Variants in RAB3C observed in about 807,000 individuals in gnomAD.
RAB3C encodes the protein ras-related protein Rab-3C.
RAB3C carries 17 observed loss-of-function variants against 26.4 expected under a neutral mutation model. That is an observed-to-expected ratio of 0.64 (90% confidence interval 0.44 to 0.97). RAB3C has a LOEUF of 0.97. Ranked by LOEUF, RAB3C falls within the 50% of genes least tolerant of loss-of-function variation. The probability of loss-of-function intolerance (pLI) is 0.00; values close to 1 mark genes in which losing one functional copy is unlikely to be tolerated. For synonymous variants in RAB3C, 91 were observed against 95.9 expected, an observed-to-expected ratio of 0.95 and a Z score of 0.30; for missense variants, 242 against 281.9, an observed-to-expected ratio of 0.86 and a Z score of 1.01.
intron 2 of RAB3C, among the ~76,000 whole-genome samples, chr5:58,634,960 A>G (rs1390927915): frequency 6.6e-6 from 1 of 152,200 alleles, no homozygotes; most frequent in Non-Finnish European, 1.5e-5. Flanking sequence ...AGTGAGGTAA[A>G]GACAGAATGT....
At chr5:58,827,560 C>T (rs1004139646) in intron 4 of RAB3C, among the ~76,000 whole-genome samples, 3 of 151,272 alleles carry the variant, frequency 2.0e-5, no homozygotes, top group Non-Finnish European at 3.0e-5. Context: ...ACTGCTCCAT[C>T]GACTGGCACA....
chr5:58,785,275 T>TG (rs1742353667), intron 3 of RAB3C, among the ~76,000 whole-genome samples: 1 of 152,200 alleles, frequency 6.6e-6, no homozygotes, highest in Non-Finnish European at 1.5e-5. Flanking sequence ...CTGACTTCAT[T>TG]GGTCTGGGAT....
chr5:58,761,235 A>G (rs1435970979), intron 3 of RAB3C, among the ~76,000 whole-genome samples: 1 of 152,190 alleles, frequency 6.6e-6, no homozygotes, highest in Admixed American at 6.5e-5. Context: ...ATTAAATCAG[A>G]AAAAACAATG....
chr5:58,678,807 A>C (rs1331960800), intron 2 of RAB3C, among the ~76,000 whole-genome samples: 1 of 152,194 alleles, frequency 6.6e-6, no homozygotes, highest in African/African-American at 2.4e-5. Context: ...AATTATATGA[A>C]TCATGCTAAG....
intron 3 of RAB3C, among the ~76,000 whole-genome samples, chr5:58,738,094 A>G (rs1741191088): frequency 6.6e-6 from 1 of 152,160 alleles, no homozygotes; most frequent in African/African-American, 2.4e-5. Context: ...ATGTAACCTG[A>G]TGGGAAATGT....
intron 2 of RAB3C, chr5:58,647,642 C>T (rs1011220978): frequency 1.3e-5 from 2 of 152,206 alleles, no homozygotes; most frequent in African/African-American, 4.8e-5. Context: ...TATACTTTGG[C>T]TGACAGTCCG....
intron 1 of RAB3C, among the ~76,000 whole-genome samples, chr5:58,587,490 G>A (rs145471945): frequency 1.7e-3 from 254 of 152,194 alleles, no homozygotes; most frequent in African/African-American, 5.8e-3. Flanking sequence ...GGATACTACA[G>A]CCTGTGAAGA....
intron 3 of RAB3C, among the ~76,000 whole-genome samples, chr5:58,803,896 TAAAAATACA>T (rs1292331686): frequency 2.0e-5 from 3 of 151,852 alleles, no homozygotes; most frequent in Non-Finnish European, 4.4e-5. Context: ...CCGTCTCTAC[TAAAAATACA>T]AAAAATTAGC....
chr5:58,807,464 A>G (rs1742969179), intron 3 of RAB3C, among the ~76,000 whole-genome samples: 1 of 152,202 alleles, frequency 6.6e-6, no homozygotes. Flanking sequence ...ACAAAATACC[A>G]TAGACTGGGT....
Position 58,661,440 on chromosome 5 carries a change from G to A in RAB3C, c.252+43570G>A, listed in dbSNP as rs552104282. Among the ~76,000 whole-genome samples the A allele has an allele frequency of 6.7e-5, 10 of 150,018 alleles. No homozygotes were observed. In the South Asian group the frequency reaches 1.9e-3, roughly 28 times the overall value. Reference sequence around the variant, plus strand: ...AATTTCCTGGAACCAAACATTGGCTGCTTAAAGATATTCTTTGTTTACATT... The same window carrying A: ...AATTTCCTGGAACCAAACATTGGCTACTTAAAGATATTCTTTGTTTACATT... On this transcript the variant is annotated intron_variant, in intron 2 of 4. Transcript: ENST00000282878.
At chr5:58,588,763 C>T (rs1746064606) in intron 1 of RAB3C, among the ~76,000 whole-genome samples, 1 of 152,002 alleles carries the variant, frequency 6.6e-6, no homozygotes, top group Non-Finnish European at 1.5e-5. Context: ...TCTGTTTGTC[C>T]TGACTCTGCG....
intron 3 of RAB3C, among the ~76,000 whole-genome samples, chr5:58,807,233 G>A (rs967606236): frequency 2.6e-5 from 4 of 152,218 alleles, no homozygotes; most frequent in Admixed American, 6.5e-5. Context: ...TCATGGCCTG[G>A]ATGGTCTCTG....
At chr5:58,707,604 A>G (rs1389883853) in intron 2 of RAB3C, among the ~76,000 whole-genome samples, 1 of 152,186 alleles carries the variant, frequency 6.6e-6, no homozygotes, top group East Asian at 1.9e-4. Flanking sequence ...CAGGTCATCC[A>G]GCCCTAGAAT....
At chr5:58,658,544 A>T (rs1376247373) in intron 2 of RAB3C, among the ~76,000 whole-genome samples, 2 of 152,204 alleles carry the variant, frequency 1.3e-5, no homozygotes, top group Admixed American at 6.5e-5. Flanking sequence ...AGATAAAAAC[A>T]TTCCTTATTG....
At chr5:58,734,820 A>G (rs1334349087) in intron 3 of RAB3C, among the ~76,000 whole-genome samples, 1 of 152,202 alleles carries the variant, frequency 6.6e-6, no homozygotes, top group African/African-American at 2.4e-5. Context: ...TATTCTCATT[A>G]TCCATGGCAG....
chr5:58,672,696 A>T (rs1158734415), intron 2 of RAB3C, among the ~76,000 whole-genome samples: 1 of 152,236 alleles, frequency 6.6e-6, no homozygotes, highest in African/African-American at 2.4e-5. Flanking sequence ...TGTGATATAC[A>T]TAAGCCTTAT....
At chr5:58,628,048 T>G (rs1317610407) in intron 2 of RAB3C, among the ~76,000 whole-genome samples, 1 of 148,988 alleles carries the variant, frequency 6.7e-6, no homozygotes, top group East Asian at 2.0e-4. Context: ...TCCCAGCTAC[T>G]TGGGAGGCTG....
At chr5:58,837,491 T>G (rs1003041770) in intron 4 of RAB3C, among the ~76,000 whole-genome samples, 14 of 134,372 alleles carry the variant, frequency 1.0e-4, no homozygotes, top group African/African-American at 3.2e-4. Flanking sequence ...CATTTTTATG[T>G]CTTCTTTTGA....
intron 2 of RAB3C, among the ~76,000 whole-genome samples, chr5:58,721,355 TG>T (rs145658019): frequency 0.011 from 1,694 of 151,806 alleles, 11 homozygotes; most frequent in Non-Finnish European, 0.017. Context: ...TATTTCCAGT[TG>T]TTTTTTTCAG....
Sources: gnomAD v4.1 joint callset for allele counts (sites outside exome capture counted in the v4.1 genomes callset) on GRCh38, gnomAD v4.1.1 for gene constraint, MANE v1.5 for transcripts, NCBI Gene and HGNC (gene_info 2026-07-23, HGNC 2026-07-21) for gene names.